Variants in PRSS3 observed in about 807,000 individuals in gnomAD.
PRSS3 encodes the protein trypsin-3.
Under a neutral mutation model 20.8 loss-of-function variants are expected in PRSS3, and 14 were observed. The ratio of observed to expected loss-of-function variants is 0.67; its 90% CI spans 0.44 to 1.05. The LOEUF is 1.05. Ranked by LOEUF, PRSS3 falls within the 50% of genes least tolerant of loss-of-function variation. The pLI, the probability that PRSS3 is intolerant of heterozygous loss-of-function variation, is 0.00. For synonymous variants in PRSS3, 91 were observed against 117.6 expected (o/e 0.77, Z 1.46); for missense variants, 237 against 306.4 (o/e 0.77, Z 1.69).
chr9:33,755,560 A>G (rs1822901923), intron 1 of PRSS3, among the ~76,000 whole-genome samples: 1 of 152,124 alleles, frequency 6.6e-6, no homozygotes, highest in African/African-American at 2.4e-5. Context: ...TAAGTTCCCA[A>G]TACGGTTATA....
chr9:33,757,270 G>C (rs1822992055), intron 1 of PRSS3, among the ~76,000 whole-genome samples: 1 of 152,120 alleles, frequency 6.6e-6, no homozygotes, highest in African/African-American at 2.4e-5. Flanking sequence ...GAGATACCAA[G>C]GAATGAAAAC....
chr9:33,771,636 TGTTTTTTTG>T (rs1823702967), intron 1 of PRSS3, among the ~76,000 whole-genome samples: 4 of 116,402 alleles, frequency 3.4e-5, no homozygotes, highest in South Asian at 2.6e-4. Flanking sequence ...TTTGTTTTTT[TGTTTTTTTG>T]TTTTTTTTTT....
chr9:33,792,379 A>G (rs1457946301), upstream of PRSS3, among the ~76,000 whole-genome samples: 1 of 152,232 alleles, frequency 6.6e-6, no homozygotes, highest in Non-Finnish European at 1.5e-5. Context: ...TCAGACTACT[A>G]TGAGGTCTGA....
chr9:33,762,087 C>T (rs1823234084), intron 1 of PRSS3: 1 of 152,082 alleles, frequency 6.6e-6, no homozygotes, highest in African/African-American at 2.4e-5. Flanking sequence ...TTAATTGGCT[C>T]ATATGGAAAA....
chr9:33,776,362 G>A (rs1823932728), intron 1 of PRSS3, among the ~76,000 whole-genome samples: 3 of 152,224 alleles, frequency 2.0e-5, no homozygotes, highest in Admixed American at 6.5e-5. Flanking sequence ...AAATATTGAT[G>A]AAAAATATTG....
In PRSS3 at chr9:33,750,929, A is replaced by G. The variant is rs1822662998; in HGVS notation, c.-53+202A>G. On this transcript the variant is annotated intron_variant, in intron 1 of 5. Coordinates refer to the PRSS3 transcript ENST00000342836. The surrounding 1 kb of genome is among the most constrained non-coding windows in gnomAD (Gnocchi z 4.8). ...GGAGGCTCCTCTAGGGGAGGACGGG[A>G]GGGGATGGAGGGCCCTGGTGTCGCA... 10 of 1,235,868 alleles carry G rather than the reference A, an allele frequency of 8.1e-6. No homozygotes were observed. Among genetic ancestry groups the G allele is most frequent in the Non-Finnish European group, 1.0e-5 (10 of 969,498 alleles). 76.6% of individuals were successfully genotyped at this position (1,235,868 alleles called of 1,614,324 possible). A position where few individuals can be genotyped will look rare whatever the true frequency, so the allele number is the denominator to read the frequency against.
chr9:33,792,829 T>C (rs1358631693), upstream of PRSS3, among the ~76,000 whole-genome samples: 1 of 152,212 alleles, frequency 6.6e-6, no homozygotes, highest in African/African-American at 2.4e-5. Flanking sequence ...GATTCACTGT[T>C]ATCAAAATTG....
At chr9:33,789,415 A>G (rs1272030040) in intron 1 of PRSS3, among the ~76,000 whole-genome samples, 3 of 152,180 alleles carry the variant, frequency 2.0e-5, no homozygotes, top group Admixed American at 6.5e-5. Context: ...ATGAATATTC[A>G]GAGGAATTTT....
chr9:33,781,054 CA>C (rs1022181866), intron 1 of PRSS3, among the ~76,000 whole-genome samples: 2 of 152,168 alleles, frequency 1.3e-5, no homozygotes, highest in Non-Finnish European at 2.9e-5. Context: ...AAATACAGAA[CA>C]CTCCACCCAA....
At chr9:33,794,864 G>A (rs1379680158), upstream of PRSS3, 16 of 1,550,746 alleles carry the variant, frequency 1.0e-5, no homozygotes, top group African/African-American at 1.4e-5. Context: ...CCATCCTCCA[G>A]ATGCACTGAG....
At chr9:33,774,452 C>T (rs561234425) in intron 1 of PRSS3, among the ~76,000 whole-genome samples, 2 of 152,274 alleles carry the variant, frequency 1.3e-5, no homozygotes, top group African/African-American at 4.8e-5. Flanking sequence ...AAGCCGGTAT[C>T]AAGTACACAG....
chr9:33,780,925 C>A (rs1399811222), intron 1 of PRSS3, among the ~76,000 whole-genome samples: 2 of 152,086 alleles, frequency 1.3e-5, no homozygotes, highest in South Asian at 4.1e-4. Context: ...GACAACCAGA[C>A]GATAATAGTG....
intron 1 of PRSS3, among the ~76,000 whole-genome samples, chr9:33,777,274 C>T (rs1823973216): frequency 2.6e-5 from 4 of 151,872 alleles, no homozygotes; most frequent in Admixed American, 2.6e-4. Flanking sequence ...AGTAGAACTA[C>T]ATGATAGTAA....
At chr9:33,781,579 T>A (rs923966496) in intron 1 of PRSS3, among the ~76,000 whole-genome samples, 4 of 152,202 alleles carry the variant, frequency 2.6e-5, no homozygotes, top group African/African-American at 9.7e-5. Flanking sequence ...TATTGGGTAC[T>A]ATGTTTGCTA....
chr9:33,759,918 C>T (rs1823112133), intron 1 of PRSS3, among the ~76,000 whole-genome samples: 1 of 152,206 alleles, frequency 6.6e-6, no homozygotes, highest in Non-Finnish European at 1.5e-5. Flanking sequence ...AACAAGCCCA[C>T]TGGCAGTGGA....
At chr9:33,768,091 C>T (rs1823519279) in intron 1 of PRSS3, among the ~76,000 whole-genome samples, 1 of 152,138 alleles carries the variant, frequency 6.6e-6, no homozygotes, top group Non-Finnish European at 1.5e-5. Flanking sequence ...GGTGAGCAGA[C>T]GTGGCTTTGG....
chr9:33,759,276 C>T (rs978263596), intron 1 of PRSS3, among the ~76,000 whole-genome samples: 1 of 152,096 alleles, frequency 6.6e-6, no homozygotes. Flanking sequence ...ATTTTCCATC[C>T]TCCAGTAGGG....
rs1221277930 is a variant in PRSS3, at chr9:33,798,519, C to T, written c.488C>T (p.Ala163Val). 2 of 1,613,910 alleles carry T rather than the reference C, an allele frequency of 1.2e-6. No individual in the cohort carries two copies. The highest frequency in any genetic ancestry group is 1.7e-6 in the Non-Finnish European group (2 of 1,179,936). The part of the protein sequence containing the change: ...DYPDELKCLD[A>V]PVLTQAECKA... ...CCAGACGAGCTGAAGTGCCTGGATG[C>T]TCCGGTGCTGACCCAGGCTGAGTGT... The change falls in exon 4 of 5, where the codon GCT becomes GTT. Residue 163 changes from alanine to valine, a missense_variant. Physicochemically the swap from Ala to Val is moderately conservative, Grantham distance 64 (BLOSUM62 0). Transcript: ENST00000379405.
intron 1 of PRSS3, among the ~76,000 whole-genome samples, chr9:33,787,291 C>T (rs982984993): frequency 2.0e-5 from 3 of 152,046 alleles, no homozygotes; most frequent in African/African-American, 7.2e-5. Flanking sequence ...GGTTGTTCTC[C>T]GTGGATAGGA....
Sources: allele counts gnomAD v4.1 joint callset (sites outside exome capture counted in the v4.1 genomes callset), GRCh38; gene constraint gnomAD v4.1.1; non-coding constraint Gnocchi (gnomAD v3.1); transcripts MANE v1.5; gene names NCBI Gene and HGNC (gene_info 2026-07-23, HGNC 2026-07-21).